BRD9: variants seen among roughly 807,000 people sequenced by gnomAD.
The protein encoded by BRD9 is bromodomain-containing protein 9.
BRD9 carries 47 observed loss-of-function variants against 68.7 expected under a neutral mutation model. The ratio of observed to expected loss-of-function variants is 0.68; its 90% CI spans 0.54 to 0.87. The LOEUF is 0.87. BRD9 is among the 40% of genes least tolerant of loss of function. The pLI, the probability that BRD9 is intolerant of heterozygous loss-of-function variation, is 0.00. For synonymous variants in BRD9, 313 were observed against 293.9 expected, an observed-to-expected ratio of 1.06 and a Z score of -0.67; for missense variants, 670 against 748.4, an observed-to-expected ratio of 0.90 and a Z score of 1.22.
At chr5:891,058 C>T in intron 3 of BRD9, 97 bp downstream of exon 3, 1 of 1,406,918 alleles carries the variant, frequency 7.1e-7, no homozygotes, top group South Asian at 1.5e-5. Flanking sequence ...CTCCTCCCTC[C>T]CATGCTTCTC....
rs559125334 is a variant in BRD9 at position 878,367 on chromosome 5, T to C, written c.1259A>G (p.Gln420Arg). 1.9e-6 allele frequency: 3 copies of C among 1,614,060 alleles called. No individual in the cohort carries two copies. The highest frequency in any genetic ancestry group is 1.1e-5 in the South Asian group (1 of 91,088). ...YSAYGDETGVQCALSLQEFVK... is the reference protein window; with the variant it reads ...YSAYGDETGVRCALSLQEFVK... Reference sequence around the variant, plus strand: ...GGCCGACACTTGCCTCAGCGCACACTGCACGCCTGTCTCATCTCCGTAGGC... The same window carrying C: ...GGCCGACACTTGCCTCAGCGCACACCGCACGCCTGTCTCATCTCCGTAGGC... The change falls in exon 11 of 16, where the codon CAG (glutamine) becomes CGG (arginine). Residue 420 changes from glutamine to arginine, a missense_variant. Gln to Arg is a conservative substitution (Grantham distance 43, BLOSUM62 1). This residue lies in a region of BRD9 where 280 missense variants were observed against 281.5 expected (regional missense o/e 0.99). Transcript: ENST00000467963.
In BRD9 at chr5:891,256, T is replaced by G. The variant is rs1335878840; in HGVS notation, c.299A>C (p.His100Pro). ...EEKKRKRERE[H>P]CDTEGEADDF... ...GTCAGCCTCTCCCTCCGTGTCACAGTGCTCCCTCTCTCGCTTCCGCTTCTT... is the reference window on the plus strand; with the variant it reads ...GTCAGCCTCTCCCTCCGTGTCACAGGGCTCCCTCTCTCGCTTCCGCTTCTT... The change falls in exon 3 of 16, where the codon CAC (histidine) becomes CCC (proline). Residue 100 changes from histidine (H) to proline (P), a missense_variant. This residue lies in a region of BRD9 where 161 missense variants were observed against 148.1 expected (regional missense o/e 1.09). Transcript: ENST00000467963. The G allele has an allele frequency of 5.8e-6, 9 of 1,551,750 alleles. No homozygotes were observed. The highest frequency in any genetic ancestry group is 7.8e-6 in the Non-Finnish European group (9 of 1,146,986).
chr5:865,418 G>A lies in BRD9; in HGVS notation c.1689C>T (p.His563=), dbSNP rs762001107. The A allele has an allele frequency of 7.0e-6, 11 of 1,575,826 alleles. No individual in the cohort carries two copies. The African/African-American group carries it at 9.5e-5, about 14-fold the overall frequency. Residue 563 remains histidine (H), a synonymous_variant, in exon 15 of 16, where the codon CAC becomes CAT. Coordinates refer to ENST00000467963, the MANE Select transcript of BRD9 (RefSeq NM_023924.5). ...GCGTGGGTGGGGGCATCTCACCCAG[G>A]TGGTGCTGGTCCCTCTCGGAGGCGT... ...LSNASERDQH[H]LGSPSRLSVG...
chr5:884,817 A>C (rs1207171614), intron 7 of BRD9, among the ~76,000 whole-genome samples: 2 of 152,222 alleles, frequency 1.3e-5, no homozygotes, highest in African/African-American at 4.8e-5. Context: ...CAGCCCCATG[A>C]GCTCCGCAGG....
intron 15 of BRD9, 37 bp downstream of exon 15, chr5:865,377 G>A (rs1452393948): frequency 6.5e-7 from 1 of 1,539,216 alleles, no homozygotes; most frequent in Non-Finnish European, 8.8e-7. Context: ...ACTGTGCTGG[G>A]GTCTCTGGGG....
chr5:889,704 G>C lies in BRD9; in HGVS notation c.401-57C>G, dbSNP rs773658806. ...AAGACTTTGGTATCCCTTCATTAGAGAGCTCCAAGTTCACAGTATCTGTCT... is the reference window on the plus strand; with the variant it reads ...AAGACTTTGGTATCCCTTCATTAGACAGCTCCAAGTTCACAGTATCTGTCT... On this transcript the variant is annotated intron_variant, in intron 3 of 15. Coordinates refer to ENST00000467963, the MANE Select transcript of BRD9 (RefSeq NM_023924.5). 1.1e-5 allele frequency: 17 copies of C among 1,599,564 alleles called. No homozygotes were observed. The Admixed American group carries it at 2.0e-4, about 19-fold the overall frequency.
In BRD9 at chr5:869,030, C is replaced by T. The variant is rs186998216; in HGVS notation, c.1525+1443G>A. The T allele has an allele frequency of 9.3e-4, 245 of 262,274 alleles. 1 individual carries two copies. Among genetic ancestry groups the T allele is most frequent in the Non-Finnish European group, 1.6e-3 (219 of 134,616 alleles). 16.2% of individuals were successfully genotyped at this position (262,274 alleles called of 1,614,324 possible). A position where few individuals can be genotyped will look rare whatever the true frequency, so the allele number is the denominator to read the frequency against. ...AGCCCCAGGCTGTGGTCTGTGCTTC[C>T]GACTAACCAGCTATCAAATGGGGTT... is the stretch of plus-strand genomic sequence containing the variant. On this transcript the variant is annotated intron_variant, in intron 14 of 15. Coordinates refer to ENST00000467963, the MANE Select transcript of BRD9 (RefSeq NM_023924.5).
chr5:867,142 G>A (rs904459539), intron 14 of BRD9, among the ~76,000 whole-genome samples: 1 of 152,202 alleles, frequency 6.6e-6, no homozygotes, highest in Non-Finnish European at 1.5e-5. Flanking sequence ...TAAAAGGGTC[G>A]ATGCTTCAGA....
chr5:865,350 G>A lies in BRD9; in HGVS notation c.1693+64C>T, dbSNP rs1378791539. The A allele has an allele frequency of 5.4e-6, 8 of 1,494,516 alleles. No homozygotes were observed. In the African/African-American group the frequency reaches 5.6e-5, roughly 10 times the overall value. The allele number at this position is 1,494,516 out of a possible 1,614,324, so 92.6% of individuals were successfully genotyped here. ...CAACTACAATGCTGCCCACTACCTC[G>A]TCTAGACGTCACACTGACTGTGCTG... On this transcript the variant is annotated intron_variant, in intron 15 of 15. Transcript: ENST00000467963.
At chr5:877,856 A>G (rs1008911521) in intron 11 of BRD9, among the ~76,000 whole-genome samples, 39 of 152,008 alleles carry the variant, frequency 2.6e-4, no homozygotes, top group African/African-American at 9.4e-4. Context: ...GGTCCTTGAG[A>G]ACGGTAGGGT....
At chr5:890,740 C>T (rs1753231784) in intron 3 of BRD9, among the ~76,000 whole-genome samples, 2 of 152,190 alleles carry the variant, frequency 1.3e-5, no homozygotes, top group African/African-American at 4.8e-5. Flanking sequence ...GCTACTGTTC[C>T]AATACTGTCT....
At chr5:870,121 C>T (rs1267223700) in intron 14 of BRD9, among the ~76,000 whole-genome samples, 2 of 152,296 alleles carry the variant, frequency 1.3e-5, no homozygotes, top group East Asian at 3.9e-4. Flanking sequence ...CCAGAGCCTC[C>T]AGGCGTCCAG....
chr5:882,684 C>T (rs1019172824), intron 8 of BRD9: 3 of 172,776 alleles, frequency 1.7e-5, no homozygotes, highest in Admixed American at 6.3e-5. Context: ...ACTTGAGCCA[C>T]ACAAACCCAC....
chr5:890,808 G>T (rs1753242500), intron 3 of BRD9, among the ~76,000 whole-genome samples: 1 of 152,036 alleles, frequency 6.6e-6, no homozygotes, highest in Non-Finnish European at 1.5e-5. Context: ...TTACATAAAG[G>T]CCAGACAAAA....
rs779217610 is a variant in BRD9 at position 864,475 on chromosome 5, T to C, written c.1787A>G (p.Lys596Arg). 3 of 1,611,730 alleles carry C rather than the reference T, an allele frequency of 1.9e-6. No individual in the cohort carries two copies. Among genetic ancestry groups the C allele is most frequent in the Non-Finnish European group, 2.5e-6 (3 of 1,178,440 alleles). ...LQSPEPAASA[K>R]T ...GCTGAAGGTGGTCTAGAGTTAGGTC[T>C]TGGCAGAGGCCGCAGGCTCTGGAGA... The change falls in exon 16 of 16, where the codon AAG becomes AGG. Residue 596 changes from lysine (K) to arginine (R), a missense_variant. Lys to Arg is a conservative substitution (Grantham distance 26, BLOSUM62 2). This residue lies in a region of BRD9 where 280 missense variants were observed against 281.5 expected (regional missense o/e 0.99). Transcript: ENST00000467963.
intron 7 of BRD9, among the ~76,000 whole-genome samples, chr5:886,135 G>T (rs1035677256): frequency 2.6e-5 from 4 of 152,010 alleles, no homozygotes; most frequent in Admixed American, 6.5e-5. Context: ...CCACTCCAGC[G>T]TCTACACAGA....
intron 10 of BRD9, chr5:878,768 C>G: frequency 4.3e-6 from 2 of 463,822 alleles, no homozygotes; most frequent in Non-Finnish European, 7.8e-6. Context: ...TGTGTGGAAA[C>G]GTGGGCAGAG....
intron 9 of BRD9, among the ~76,000 whole-genome samples, chr5:880,730 T>C (rs544532688): frequency 2.0e-5 from 3 of 152,348 alleles, no homozygotes; most frequent in African/African-American, 7.2e-5. Context: ...CTTCTAAGAC[T>C]GCTTTCCAGA....
intron 14 of BRD9, 101 bp downstream of exon 14, chr5:870,372 T>C (rs1003288808): frequency 3.3e-6 from 3 of 897,954 alleles, no homozygotes; most frequent in African/African-American, 3.4e-5. Flanking sequence ...TTTCCTGGCA[T>C]CCCTGTCTAG....
Sources: gnomAD v4.1 joint callset for allele counts (sites outside exome capture counted in the v4.1 genomes callset) on GRCh38, gnomAD v4.1.1 for gene constraint, gnomAD v4.1.1 regional missense constraint, MANE v1.5 for transcripts, NCBI Gene and HGNC (gene_info 2026-07-23, HGNC 2026-07-21) for gene names.